The following ZNF516 variants were observed in gnomAD, a reference collection of about 807,000 sequenced individuals.
ZNF516 encodes zinc finger protein 516.
In ZNF516, 19 loss-of-function variants were observed where a neutral mutation model predicts 79.7. That is an observed-to-expected ratio of 0.24 (90% CI 0.17 to 0.35). ZNF516 has a LOEUF of 0.35. Ranked by LOEUF, ZNF516 falls within the 10% of genes least tolerant of loss-of-function variation. The pLI is 1.00. For synonymous variants in ZNF516, 877 were observed against 739.5 expected (o/e 1.19, Z -3.02); for missense variants, 1,678 against 1,679.5 (o/e 1.00, Z 0.02).
chr18:76,457,727 TAA>T (rs1342403115), intron 2 of ZNF516, among the ~76,000 whole-genome samples: 1 of 151,922 alleles, frequency 6.6e-6, no homozygotes, highest in African/African-American at 2.4e-5. Context: ...AAAATAAAAA[TAA>T]AAAAGAGTGA....
At chr18:76,449,563 C>T (rs1400610940) in intron 2 of ZNF516, among the ~76,000 whole-genome samples, 1 of 152,252 alleles carries the variant, frequency 6.6e-6, no homozygotes, top group East Asian at 1.9e-4. Context: ...GTCTTAGCCT[C>T]TCTATTCCTC....
intron 3 of ZNF516, among the ~76,000 whole-genome samples, chr18:76,401,584 C>T (rs1329481284): frequency 1.3e-5 from 2 of 152,048 alleles, no homozygotes; most frequent in Non-Finnish European, 2.9e-5. Flanking sequence ...ATCTCCGAAA[C>T]GCCCTGCAGC....
chr18:76,390,101 T>C (rs2075049727), intron 3 of ZNF516, among the ~76,000 whole-genome samples: 2 of 152,204 alleles, frequency 1.3e-5, no homozygotes, highest in South Asian at 4.1e-4. Context: ...CTCTTCCTCC[T>C]ACACAAAACG....
At chr18:76,381,963 C>G (rs1377016608) in intron 3 of ZNF516, among the ~76,000 whole-genome samples, 1 of 152,178 alleles carries the variant, frequency 6.6e-6, no homozygotes, top group African/African-American at 2.4e-5. Context: ...GAAACCCCGT[C>G]TCTGCTAAAA....
intron 6 of ZNF516, among the ~76,000 whole-genome samples, chr18:76,368,623 T>G (rs2074655836): frequency 6.6e-6 from 1 of 151,920 alleles, no homozygotes. Flanking sequence ...AACTTGAAAC[T>G]AAGAGGATAG....
chr18:76,420,738 T>C (rs1032513599), intron 3 of ZNF516, among the ~76,000 whole-genome samples: 3 of 152,082 alleles, frequency 2.0e-5, no homozygotes, highest in Non-Finnish European at 2.9e-5. Context: ...TCATATTCTA[T>C]ATATATAAAA....
intron 1 of ZNF516, among the ~76,000 whole-genome samples, chr18:76,478,729 A>G (rs1344416877): frequency 6.6e-6 from 1 of 152,194 alleles, no homozygotes; most frequent in Non-Finnish European, 1.5e-5. Flanking sequence ...AAAGTTTATT[A>G]AAATGCTTAC....
intron 3 of ZNF516, among the ~76,000 whole-genome samples, chr18:76,398,826 A>G (rs1364501254): frequency 6.6e-6 from 1 of 152,236 alleles, no homozygotes; most frequent in Non-Finnish European, 1.5e-5. Flanking sequence ...ATGGCTTTCT[A>G]CAACTTTTTC....
chr18:76,474,575 A>C (rs1914068788), intron 1 of ZNF516, among the ~76,000 whole-genome samples: 1 of 152,248 alleles, frequency 6.6e-6, no homozygotes, highest in South Asian at 2.1e-4. Flanking sequence ...AGCTAAAATA[A>C]AATTCAATTA....
chr18:76,406,894 T>C (rs1427965500), intron 3 of ZNF516, among the ~76,000 whole-genome samples: 2 of 152,050 alleles, frequency 1.3e-5, no homozygotes, highest in Admixed American at 6.5e-5. Context: ...AGCAGCCGAG[T>C]GGCCGCATCT....
At chr18:76,412,873 G>A (rs186503774) in intron 3 of ZNF516, among the ~76,000 whole-genome samples, 37 of 152,272 alleles carry the variant, frequency 2.4e-4, no homozygotes, top group Non-Finnish European at 4.7e-4. Flanking sequence ...CCGGGACACC[G>A]GGCTGAGTGT....
intron 3 of ZNF516, among the ~76,000 whole-genome samples, chr18:76,422,439 A>G (rs967241199): frequency 6.6e-6 from 1 of 152,246 alleles, no homozygotes; most frequent in Non-Finnish European, 1.5e-5. Flanking sequence ...TCCGGAAGCT[A>G]AATGTAGGAT....
rs1003365533 is a variant in ZNF516 at position 76,443,190 on chromosome 18, C to T, written c.-136G>A. ...GGAGGTGCACCTTCTACATGGGGGG[C>T]GCAGCAGCTGGCAGCCAGCACCTGA... On this transcript the variant is annotated 5_prime_UTR_variant, in exon 3 of 7. Transcript: ENST00000443185. 5 of 1,322,342 alleles carry T rather than the reference C, an allele frequency of 3.8e-6. No individual in the cohort carries two copies. The highest frequency in any genetic ancestry group is 3.1e-5 in the Admixed American group (1 of 32,428). The allele number at this position is 1,322,342 out of a possible 1,614,324, so 81.9% of individuals were successfully genotyped here.
chr18:76,491,852 C>A (rs887749139), intron 1 of ZNF516, among the ~76,000 whole-genome samples: 1 of 152,052 alleles, frequency 6.6e-6, no homozygotes, highest in Admixed American at 6.5e-5. Flanking sequence ...CCTCCCAGGG[C>A]TGCCCAGTCC....
chr18:76,375,943 TG>T (rs1424364860), intron 4 of ZNF516, among the ~76,000 whole-genome samples: 2 of 147,892 alleles, frequency 1.4e-5, no homozygotes, highest in African/African-American at 2.5e-5. Context: ...AGAGGATGGA[TG>T]GGAAGGCCCC....
At chr18:76,481,403 G>A (rs2035201457) in intron 1 of ZNF516, among the ~76,000 whole-genome samples, 1 of 152,224 alleles carries the variant, frequency 6.6e-6, no homozygotes, top group Non-Finnish European at 1.5e-5. Context: ...GAAAGAGGAA[G>A]GGTGGAGGGA....
chr18:76,382,398 T>A (rs2074908052), intron 3 of ZNF516, among the ~76,000 whole-genome samples: 1 of 152,200 alleles, frequency 6.6e-6, no homozygotes, highest in African/African-American at 2.4e-5. Context: ...GATCTAGTTT[T>A]CCCTGCAGTA....
intron 1 of ZNF516, among the ~76,000 whole-genome samples, chr18:76,486,501 A>C (rs911097568): frequency 2.0e-5 from 3 of 152,172 alleles, no homozygotes; most frequent in African/African-American, 7.2e-5. Flanking sequence ...TTATAGTTTT[A>C]ATAGAGAACC....
chr18:76,379,026 G>A lies in ZNF516; in HGVS notation c.3088C>T (p.Pro1030Ser), dbSNP rs1247370504. 1.9e-6 allele frequency: 3 copies of A among 1,606,748 alleles called. No homozygotes were observed. The highest frequency in any genetic ancestry group is 2.2e-5 in the South Asian group (2 of 90,608). The part of the protein sequence containing the change: ...SRGDAALQAQ[P>S]GVAGAPPVLH... ...ACGGGGGGCGCCCCAGCCACGCCGG[G>A]CTGGGCCTGCAAGGCCGCGTCGCCC... Residue 1030 changes from proline (P) to serine (S), a missense_variant, in exon 4 of 7, where the codon CCC (proline) becomes TCC (serine). Pro to Ser is a moderately conservative substitution (Grantham distance 74). This residue lies in a region of ZNF516 where 1,294 missense variants were observed against 1,248.3 expected (regional missense o/e 1.04). Coordinates refer to ENST00000443185, the MANE Select transcript of ZNF516 (RefSeq NM_014643.4).
Sources: gnomAD v4.1 joint callset for allele counts (sites outside exome capture counted in the v4.1 genomes callset) on GRCh38, gnomAD v4.1.1 for gene constraint, gnomAD v4.1.1 regional missense constraint, MANE v1.5 for transcripts, NCBI Gene and HGNC (gene_info 2026-07-23, HGNC 2026-07-21) for gene names.